Variants in SOCS5 observed in about 807,000 individuals in gnomAD.
SOCS5 encodes the protein suppressor of cytokine signaling 5.
SOCS5 carries 32 observed loss-of-function variants against 42.8 expected under a neutral mutation model. The ratio of observed to expected loss-of-function variants is 0.75; its 90% CI spans 0.56 to 1.01. The LOEUF (loss-of-function observed/expected upper bound fraction) is 1.01, where lower values mean the gene tolerates loss of function less well. Ranked by LOEUF, SOCS5 falls within the 50% of genes least tolerant of loss-of-function variation. SOCS5 has a pLI of 0.00. For synonymous variants in SOCS5, 283 were observed against 229.6 expected (o/e 1.23, Z -2.10); for missense variants, 627 against 653.0 (o/e 0.96, Z 0.43).
intron 1 of SOCS5, among the ~76,000 whole-genome samples, chr2:46,714,167 G>T (rs534641236): frequency 6.6e-6 from 1 of 152,244 alleles, no homozygotes; most frequent in Non-Finnish European, 1.5e-5. Flanking sequence ...AGGTTAGTCT[G>T]ATCTTCTTAT....
At chr2:46,743,314 G>C (rs1673420668) in intron 1 of SOCS5, among the ~76,000 whole-genome samples, 1 of 152,152 alleles carries the variant, frequency 6.6e-6, no homozygotes, top group Non-Finnish European at 1.5e-5. Context: ...CTCTTCCATA[G>C]AGCGGCCCCG....
chr2:46,725,151 T>A (rs915711565), intron 1 of SOCS5, among the ~76,000 whole-genome samples: 17 of 152,116 alleles, frequency 1.1e-4, no homozygotes, highest in Admixed American at 4.6e-4. Flanking sequence ...TGCTTTGAAA[T>A]GTACCTATTT....
At chr2:46,725,678 T>G (rs1005778602) in intron 1 of SOCS5, among the ~76,000 whole-genome samples, 2 of 152,176 alleles carry the variant, frequency 1.3e-5, no homozygotes, top group African/African-American at 4.8e-5. Context: ...TGTTTTTTGT[T>G]TTTTTAAACC....
chr2:46,719,989 T>C (rs1672844141), intron 1 of SOCS5, among the ~76,000 whole-genome samples: 1 of 152,206 alleles, frequency 6.6e-6, no homozygotes. Flanking sequence ...AATATCAAGC[T>C]ATGATAGTCT....
At chr2:46,742,228 G>A (rs1673394058) in intron 1 of SOCS5, among the ~76,000 whole-genome samples, 1 of 152,056 alleles carries the variant, frequency 6.6e-6, no homozygotes, top group Admixed American at 6.6e-5. Flanking sequence ...TTGAGTTGTT[G>A]TGTTTTACCA....
intron 1 of SOCS5, among the ~76,000 whole-genome samples, chr2:46,756,964 C>T (rs1199693554): frequency 1.3e-5 from 2 of 152,196 alleles, no homozygotes; most frequent in African/African-American, 4.8e-5. Flanking sequence ...TTTAACAGTT[C>T]TGTCTAATAC....
rs748496280 is a variant in SOCS5 at position 46,758,638 on chromosome 2, A to G, written c.108A>G (p.Arg36=). ...AAAATGTGGACATGAACTCCAACAG[A>G]TGTTTGTCTGTCAAAGAGAAAAACA... is the stretch of plus-strand genomic sequence containing the variant. ...RSENVDMNSN[R]CLSVKEKNIS... The change falls in exon 2 of 2, where the codon AGA becomes AGG. Residue 36 remains arginine (R), a synonymous_variant. Coordinates refer to ENST00000394861, the MANE Select transcript of SOCS5 (RefSeq NM_144949.3). 1.2e-6 allele frequency: 2 copies of G among 1,614,102 alleles called. No individual in the cohort carries two copies. The highest frequency in any genetic ancestry group is 2.2e-5 in the South Asian group (2 of 91,082).
chr2:46,712,795 G>A (rs906012261), intron 1 of SOCS5, among the ~76,000 whole-genome samples: 8 of 152,034 alleles, frequency 5.3e-5, no homozygotes, highest in African/African-American at 7.2e-5. Flanking sequence ...ATGTATTGTC[G>A]TTTTTTTGTT....
upstream of SOCS5, chr2:46,699,288 G>A (rs951890884): frequency 6.6e-6 from 1 of 151,496 alleles, no homozygotes; most frequent in African/African-American, 2.4e-5. This position sits in a 1 kb window ranked among gnomAD's most constrained non-coding sequence, Gnocchi z 4.8. Flanking sequence ...TGGGGTCCCC[G>A]GGCTCCGTCC....
At chr2:46,714,584 ATC>A (rs1412478036) in intron 1 of SOCS5, among the ~76,000 whole-genome samples, 1 of 152,036 alleles carries the variant, frequency 6.6e-6, no homozygotes, top group Non-Finnish European at 1.5e-5. Context: ...TAGTCTGATA[ATC>A]TCTCCTTTAA....
intron 1 of SOCS5, among the ~76,000 whole-genome samples, chr2:46,755,858 G>A (rs1020466063): frequency 1.3e-5 from 2 of 152,156 alleles, no homozygotes; most frequent in African/African-American, 4.8e-5. Flanking sequence ...TGATTGTTAT[G>A]TCGACTAGTC....
rs542115578 is a variant in SOCS5, at chr2:46,757,860, C to T, written c.-12-659C>T. 1.1e-3 allele frequency among the ~76,000 whole-genome samples: 172 copies of T among 151,612 alleles called. 1 individual carries two copies. In the South Asian group the frequency reaches 0.014, roughly 12 times the overall value. On this transcript the variant is annotated intron_variant, in intron 1 of 1. Coordinates refer to ENST00000394861, the MANE Select transcript of SOCS5 (RefSeq NM_144949.3). ...CAGCATGAACAACAGAGCGAGACTC[C>T]GTCTCAAAAAAAAAGAAAAAGGAAA...
chr2:46,735,607 CTG>C (rs1673225842), intron 1 of SOCS5, among the ~76,000 whole-genome samples: 2 of 151,950 alleles, frequency 1.3e-5, no homozygotes, highest in Admixed American at 1.3e-4. Flanking sequence ...TTAACAGAGA[CTG>C]TGTTTTTCAT....
chr2:46,758,018 A>C lies in SOCS5; in HGVS notation c.-12-501A>C, dbSNP rs74994745. ...TGGGTTTTTTATAAGTGATGAACAC[A>C]CTGTAAACCTTAGAATTGCAAGGAA... On this transcript the variant is annotated intron_variant, in intron 1 of 1. Transcript: ENST00000394861. Among the ~76,000 whole-genome samples the C allele has an allele frequency of 2.7e-4, 41 of 152,368 alleles. 1 individual carries two copies. In the East Asian group the frequency reaches 7.7e-3, roughly 29 times the overall value.
Position 46,717,673 on chromosome 2 carries a change from C to T in SOCS5, c.-13+18224C>T, listed in dbSNP as rs1002345275. 9.9e-5 allele frequency among the ~76,000 whole-genome samples: 15 copies of T among 152,114 alleles called. 1 individual carries two copies. The South Asian group carries it at 2.9e-3, about 29-fold the overall frequency. On this transcript the variant is annotated intron_variant, in intron 1 of 1. Coordinates refer to ENST00000394861, the MANE Select transcript of SOCS5 (RefSeq NM_144949.3). ...TCATCCCACTGCTCTAAAGATTTCTCTTTTTATCTTTGGTTTTATGCAATT... is the reference window on the plus strand; with the variant it reads ...TCATCCCACTGCTCTAAAGATTTCTTTTTTTATCTTTGGTTTTATGCAATT...
At position 46,722,301 on chromosome 2, in the gene SOCS5, A is replaced by C. The variant is rs41434851; in HGVS notation, c.-13+22852A>C. Among the ~76,000 whole-genome samples, 789 of 145,722 alleles carry C rather than the reference A, an allele frequency of 5.4e-3. 6 individuals carry two copies. The highest frequency in any genetic ancestry group is 0.011 in the Admixed American group (155 of 14,266). On this transcript the variant is annotated intron_variant, in intron 1 of 1. Coordinates refer to ENST00000394861, the MANE Select transcript of SOCS5 (RefSeq NM_144949.3). ...GATGCACACATGCTCAAAGGATTTAAGACATTTTGTATACATTTGCCAGTC... is the reference window on the plus strand; with the variant it reads ...GATGCACACATGCTCAAAGGATTTACGACATTTTGTATACATTTGCCAGTC...
At chr2:46,751,477 G>T (rs1181297722) in intron 1 of SOCS5, among the ~76,000 whole-genome samples, 1 of 151,912 alleles carries the variant, frequency 6.6e-6, no homozygotes, top group Non-Finnish European at 1.5e-5. Context: ...TATAAGAGAA[G>T]ATTATGTACA....
chr2:46,723,797 G>C (rs570137222), intron 1 of SOCS5, among the ~76,000 whole-genome samples: 2 of 152,146 alleles, frequency 1.3e-5, no homozygotes, highest in South Asian at 2.1e-4. Flanking sequence ...GTCTGTATCA[G>C]TGCAAAATAT....
upstream of SOCS5, chr2:46,699,227 G>T (rs1042617556): frequency 6.6e-6 from 1 of 152,438 alleles, no homozygotes; most frequent in Non-Finnish European, 1.5e-5. The surrounding 1 kb of genome is among the most constrained non-coding windows in gnomAD (Gnocchi z 4.8). Context: ...GGTGAAGAAG[G>T]GGAGGCGGCA....
Sources: allele counts gnomAD v4.1 joint callset (sites outside exome capture counted in the v4.1 genomes callset), GRCh38; gene constraint gnomAD v4.1.1; non-coding constraint Gnocchi (gnomAD v3.1); transcripts MANE v1.5; gene names NCBI Gene and HGNC (gene_info 2026-07-23, HGNC 2026-07-21).